Variants in CSTF3 observed in about 807,000 individuals in gnomAD.
CSTF3 encodes cleavage stimulation factor subunit 3, also known as CF-1 77 kDa subunit.
A neutral mutation model predicts 105.8 loss-of-function variants in CSTF3; 29 were observed. The ratio of observed to expected loss-of-function variants is 0.27; its 90% CI spans 0.20 to 0.37. The LOEUF (loss-of-function observed/expected upper bound fraction) is 0.37, where lower values mean the gene tolerates loss of function less well. Among genes scored for constraint, CSTF3 ranks in the 10% least tolerant of loss-of-function variants. CSTF3 has a pLI of 1.00. For missense variants in CSTF3, 357 were observed against 879.3 expected (o/e 0.41, Z 7.51); for synonymous variants, 252 against 281.9 (o/e 0.89, Z 1.06).
intron 1 of CSTF3, among the ~76,000 whole-genome samples, chr11:33,144,537 TA>T (rs1177534659): frequency 6.6e-6 from 1 of 152,196 alleles, no homozygotes; most frequent in African/African-American, 2.4e-5. Context: ...GGTTTCAGAA[TA>T]ACTATATAAT....
intron 3 of CSTF3, among the ~76,000 whole-genome samples, chr11:33,124,924 T>C (rs967273202): frequency 6.6e-6 from 1 of 152,216 alleles, no homozygotes; most frequent in Non-Finnish European, 1.5e-5. Context: ...TATCTTTTTG[T>C]TTCCAACCAT....
chr11:33,095,473 T>C lies in CSTF3; in HGVS notation c.1375+833A>G, dbSNP rs1855210359. 2.0e-5 allele frequency among the ~76,000 whole-genome samples: 3 copies of C among 152,158 alleles called. No homozygotes were observed. The South Asian group carries it at 6.2e-4, about 32-fold the overall frequency. ...ATGAATTATCTAGCACAGTGCCTGGTAGGAACTCAATAAAGGATGGCCAGT... is the reference window on the plus strand; with the variant it reads ...ATGAATTATCTAGCACAGTGCCTGGCAGGAACTCAATAAAGGATGGCCAGT... On this transcript the variant is annotated intron_variant, in intron 15 of 20. Coordinates refer to ENST00000323959, the MANE Select transcript of CSTF3 (RefSeq NM_001326.3).
At position 33,099,258 on chromosome 11, in the gene CSTF3, C is replaced by T; in HGVS notation, c.937-108G>A. The T allele has an allele frequency of 7.6e-7, 1 of 1,317,694 alleles. No homozygotes were observed. The highest frequency in any genetic ancestry group is 1.4e-5 in the South Asian group (1 of 70,510). 81.6% of individuals were successfully genotyped at this position (1,317,694 alleles called of 1,614,324 possible). A position where few individuals can be genotyped will look rare whatever the true frequency, so the allele number is the denominator to read the frequency against. ...TATTTTATTTATGTGTCTAAGAAAGCATACATGTATGTACACACATATATA... is the reference window on the plus strand; with the variant it reads ...TATTTTATTTATGTGTCTAAGAAAGTATACATGTATGTACACACATATATA... On this transcript the variant is annotated intron_variant, in intron 11 of 20. Coordinates refer to ENST00000323959, the MANE Select transcript of CSTF3 (RefSeq NM_001326.3). The surrounding 1 kb of genome is among the most constrained non-coding windows in gnomAD (Gnocchi z 4.1).
intron 16 of CSTF3, 80 bp from the exon 17 acceptor site, chr11:33,090,807 C>T: frequency 1.1e-6 from 1 of 887,684 alleles, no homozygotes; most frequent in East Asian, 2.7e-5. Context: ...ACGCCTTAAG[C>T]TCTCTCTTTT....
chr11:33,097,888 T>C (rs921928813), intron 13 of CSTF3, among the ~76,000 whole-genome samples: 7 of 152,174 alleles, frequency 4.6e-5, no homozygotes, highest in Non-Finnish European at 1.0e-4. Context: ...TGTCTAGCTA[T>C]ATTACCCAGT....
intron 13 of CSTF3, among the ~76,000 whole-genome samples, chr11:33,097,474 A>C (rs1565003717): frequency 6.6e-6 from 1 of 151,966 alleles, no homozygotes. Context: ...GGGTCAAGCC[A>C]TTCTCCTGCC....
At chr11:33,136,303 T>C (rs1366649743) in intron 3 of CSTF3, 1 of 152,094 alleles carries the variant, frequency 6.6e-6, no homozygotes, top group East Asian at 1.9e-4. Flanking sequence ...ACCAAGTTGC[T>C]AGGAGCAAAC....
chr11:33,141,715 G>T lies in CSTF3; in HGVS notation c.177C>A (p.Ala59=). Residue 59 remains alanine (A), a synonymous_variant, in exon 3 of 21, where the codon GCC becomes GCA. Coordinates refer to ENST00000323959, the MANE Select transcript of CSTF3 (RefSeq NM_001326.3). ...AGAATCTGCCAGAACTGGGGAACTG[G>T]GCAACAAGGCGTTCATAAGTCTTCC... ...KARKTYERLV[A]QFPSSGRFWK... 1 of 1,611,502 alleles carries T rather than the reference G, an allele frequency of 6.2e-7. No individual in the cohort carries two copies. The highest frequency in any genetic ancestry group is 8.5e-7 in the Non-Finnish European group (1 of 1,179,286).
At chr11:33,126,450 CA>C (rs1017398922) in intron 3 of CSTF3, among the ~76,000 whole-genome samples, 87 of 138,768 alleles carry the variant, frequency 6.3e-4, no homozygotes, top group Non-Finnish European at 6.9e-4. Flanking sequence ...AACCTGACTC[CA>C]AAAAAAAAAA....
At chr11:33,147,168 G>A (rs141941083) in intron 1 of CSTF3, among the ~76,000 whole-genome samples, 1 of 152,064 alleles carries the variant, frequency 6.6e-6, no homozygotes, top group Non-Finnish European at 1.5e-5. Context: ...GTGGTGGCAG[G>A]CACCTGCAGT....
chr11:33,095,779 G>A (rs1221660338), intron 15 of CSTF3, among the ~76,000 whole-genome samples: 1 of 149,956 alleles, frequency 6.7e-6, no homozygotes, highest in African/African-American at 2.4e-5. Context: ...CCGAGATTGC[G>A]CCACTGCACT....
At chr11:33,105,941 A>G (rs774496271) in intron 6 of CSTF3, 24 bp from the exon 7 acceptor site, 2 of 1,580,254 alleles carry the variant, frequency 1.3e-6, no homozygotes, top group East Asian at 2.2e-5. Context: ...TGAAATGTTA[A>G]TATCTTTCTT....
In CSTF3 at chr11:33,096,912, T is replaced by A. The variant is rs1452834277; in HGVS notation, c.1195A>T (p.Lys399Ter). 1.2e-6 allele frequency: 2 copies of A among 1,613,192 alleles called. No individual in the cohort carries two copies. The highest frequency in any genetic ancestry group is 1.7e-6 in the Non-Finnish European group (2 of 1,179,350). ...EGIKSGRMIFKKAREDTRTRH... is the reference protein window; with the variant it reads ...EGIKSGRMIF Reference sequence around the variant, plus strand: ...GTTCTGGTATCTTCTCTTGCTTTTTTAAATATCATTCTTCCAGATTTGATG... The same window carrying A: ...GTTCTGGTATCTTCTCTTGCTTTTTAAAATATCATTCTTCCAGATTTGATG... Residue 399 changes from lysine (K) to a stop codon, truncating the protein, a stop_gained, in exon 14 of 21, where the codon AAA becomes TAA. Coordinates refer to ENST00000323959, the MANE Select transcript of CSTF3 (RefSeq NM_001326.3). LOFTEE classifies it high-confidence loss of function.
At chr11:33,098,661 T>A (rs1855249034) in intron 13 of CSTF3, 29 bp downstream of exon 13, 1 of 1,390,660 alleles carries the variant, frequency 7.2e-7, no homozygotes, top group Admixed American at 1.8e-5. Context: ...ACTGTAAAGG[T>A]GGAAAAAAAG....
Position 33,085,654 on chromosome 11 carries a change from T to C in CSTF3, c.1951+59A>G. ...TTCAGTGGCAGAGAATAATAATCTC[T>C]ACTGCCTATGAGACAACAACGTGGA... On this transcript the variant is annotated intron_variant, in intron 20 of 20. Transcript: ENST00000323959. The C allele has an allele frequency of 2.1e-6, 3 of 1,409,622 alleles. 1 individual carries two copies. The African/African-American group carries it at 4.2e-5, about 20-fold the overall frequency. The allele number at this position is 1,409,622 out of a possible 1,614,324, so 87.3% of individuals were successfully genotyped here. A position where few individuals can be genotyped will look rare whatever the true frequency, so the allele number is the denominator to read the frequency against.
At chr11:33,116,302 T>G (rs553216981) in intron 3 of CSTF3, among the ~76,000 whole-genome samples, 2 of 152,082 alleles carry the variant, frequency 1.3e-5, no homozygotes, top group African/African-American at 4.8e-5. Flanking sequence ...TATTAAAGAG[T>G]TTATGACCCA....
At chr11:33,096,490 C>T (rs906768916) in intron 14 of CSTF3, 82 bp from the exon 15 acceptor site, 8 of 840,484 alleles carry the variant, frequency 9.5e-6, no homozygotes, top group African/African-American at 3.5e-5. Flanking sequence ...ATTATACCTA[C>T]ATATGACAAA....
Position 33,161,292 on chromosome 11 carries a change from T to A in CSTF3, c.27+7A>T, listed in dbSNP as rs756928738. The A allele has an allele frequency of 2.2e-5, 36 of 1,613,172 alleles. No homozygotes were observed. Among genetic ancestry groups the A allele is most frequent in the Middle Eastern group, 1.6e-4 (1 of 6,082 alleles). ...CGCCACGAGGCCCCACCACTCTCCT[T>A]CCTCACCTGCTCCGTGGCTCCGTCT... On this transcript the variant is annotated splice_region_variant and intron_variant, in intron 1 of 20. Coordinates refer to ENST00000323959, the MANE Select transcript of CSTF3 (RefSeq NM_001326.3).
chr11:33,159,996 A>G (rs2133813585), intron 1 of CSTF3, among the ~76,000 whole-genome samples: 1 of 152,224 alleles, frequency 6.6e-6, no homozygotes, highest in South Asian at 2.1e-4. Context: ...GGTCATGGTA[A>G]CATTTCCGTG....
Sources: gnomAD v4.1 joint callset for allele counts (sites outside exome capture counted in the v4.1 genomes callset) on GRCh38, gnomAD v4.1.1 for gene constraint, Gnocchi (gnomAD v3.1) non-coding constraint, MANE v1.5 for transcripts, NCBI Gene and HGNC (gene_info 2026-07-23, HGNC 2026-07-21) for gene names.